MEGF6: variants seen among roughly 807,000 people sequenced by gnomAD.
MEGF6 encodes multiple epidermal growth factor-like domains protein 6.
A neutral mutation model predicts 207.1 loss-of-function variants in MEGF6; 184 were observed. The observed-to-expected ratio is 0.89, with a 90% CI of 0.79 to 1.00. The LOEUF is 1.00. MEGF6 is among the 50% of genes least tolerant of loss of function. The probability of loss-of-function intolerance (pLI) is 0.00; values close to 1 mark genes in which losing one functional copy is unlikely to be tolerated. For missense variants in MEGF6, 2,282 were observed against 2,202.9 expected, an observed-to-expected ratio of 1.04 and a Z score of -0.72; for synonymous variants, 1,038 against 910.0, an observed-to-expected ratio of 1.14 and a Z score of -2.53.
At chr1:3,517,036 C>A (rs1164576547) in intron 5 of MEGF6, among the ~76,000 whole-genome samples, 1 of 152,252 alleles carries the variant, frequency 6.6e-6, no homozygotes, top group Non-Finnish European at 1.5e-5. Flanking sequence ...GATGGCCCTG[C>A]TGAAGCCACT....
intron 4 of MEGF6, among the ~76,000 whole-genome samples, chr1:3,545,963 C>T (rs969134156): frequency 6.6e-6 from 1 of 152,136 alleles, no homozygotes; most frequent in Non-Finnish European, 1.5e-5. Context: ...CCAAACGGCT[C>T]GCAGCTGGAC....
intron 3 of MEGF6, among the ~76,000 whole-genome samples, chr1:3,588,682 G>A (rs894882197): frequency 6.6e-6 from 1 of 151,998 alleles, no homozygotes; most frequent in Non-Finnish European, 1.5e-5. Context: ...ACAGAGAAGG[G>A]CTCCAAGGTC....
intron 4 of MEGF6, chr1:3,531,325 G>A (rs1642160861): frequency 2.4e-6 from 3 of 1,231,696 alleles, no homozygotes; most frequent in African/African-American, 3.2e-5. Context: ...GACGGGGCAG[G>A]CGGCTCGGGC....
upstream of MEGF6, among the ~76,000 whole-genome samples, chr1:3,615,356 C>T (rs542426598): frequency 5.9e-5 from 9 of 152,180 alleles, no homozygotes; most frequent in Non-Finnish European, 7.3e-5. Context: ...TATTAGAACC[C>T]GCTGGTCCCA....
intron 3 of MEGF6, among the ~76,000 whole-genome samples, chr1:3,586,990 T>C (rs1425306689): frequency 6.6e-6 from 1 of 152,172 alleles, no homozygotes; most frequent in Non-Finnish European, 1.5e-5. Flanking sequence ...CAACCCCACC[T>C]GTGTGCAAGG....
rs756014626 is a variant in MEGF6 at position 3,500,961 on chromosome 1, C to T, written c.2575+5G>A. 92 of 1,611,202 alleles carry T rather than the reference C, an allele frequency of 5.7e-5. No homozygotes were observed. Among genetic ancestry groups the T allele is most frequent in the South Asian group, 2.5e-4 (23 of 90,976 alleles). On this transcript the variant is annotated splice_donor_5th_base_variant and intron_variant, in intron 20 of 36. Transcript: ENST00000356575. ...GGACAAAGGGCAAGCCAAGGGCCCC[C>T]GTACCTCTCTGGCAGCTAAAGCCGG...
At chr1:3,494,839 T>A (rs1258408306) in intron 30 of MEGF6, 98 bp from the exon 31 acceptor site, 2 of 1,439,018 alleles carry the variant, frequency 1.4e-6, no homozygotes, top group Non-Finnish European at 1.8e-6. Flanking sequence ...CGGTAAATGC[T>A]TCCTGAGGCC....
chr1:3,561,751 A>G (rs2101645459), intron 4 of MEGF6, among the ~76,000 whole-genome samples: 1 of 152,304 alleles, frequency 6.6e-6, no homozygotes, highest in African/African-American at 2.4e-5. Flanking sequence ...CACGGCAGGG[A>G]AGCCTGTCCT....
intron 3 of MEGF6, among the ~76,000 whole-genome samples, chr1:3,586,567 C>G (rs1378084325): frequency 6.6e-6 from 1 of 152,032 alleles, no homozygotes; most frequent in Non-Finnish European, 1.5e-5. Flanking sequence ...CCTGCCAGGC[C>G]ATTTGTGAAG....
At chr1:3,495,722 A>G (rs757122581) in intron 30 of MEGF6, among the ~76,000 whole-genome samples, 168 bp downstream of exon 30, 4 of 152,196 alleles carry the variant, frequency 2.6e-5, no homozygotes, top group Admixed American at 6.5e-5. Context: ...AGCGTAGTCA[A>G]CACAAGCTAC....
At chr1:3,571,806 T>TGC (rs1643503995) in intron 4 of MEGF6, among the ~76,000 whole-genome samples, 2 of 127,582 alleles carry the variant, frequency 1.6e-5, no homozygotes, top group African/African-American at 6.4e-5. Flanking sequence ...TGGGTCCTCC[T>TGC]GGGTGTGCTG....
intron 17 of MEGF6, among the ~76,000 whole-genome samples, chr1:3,503,153 C>G (rs1209877843): frequency 6.6e-6 from 1 of 152,092 alleles, no homozygotes; most frequent in Non-Finnish European, 1.5e-5. Flanking sequence ...GAGGACACAC[C>G]CTGGTGAACC....
In MEGF6 at chr1:3,514,610, G is replaced by C. The variant is rs777758031; in HGVS notation, c.793C>G (p.Leu265Val). Residue 265 changes from leucine (L) to valine (V), a missense_variant, in exon 7 of 37, where the codon CTC (leucine) becomes GTC (valine). By Grantham distance (32) the Leu-to-Val change is conservative. Transcript: ENST00000356575. ...CMHRCQVVRG[L>V]ARCECHVGYQ... is the part of the protein sequence containing the mutation. Reference sequence around the variant, plus strand: ...CCCACGTGGCACTCACAGCGGGCGAGGCCCCGGACCACCTGGCACCTGTGC... The same window carrying C: ...CCCACGTGGCACTCACAGCGGGCGACGCCCCGGACCACCTGGCACCTGTGC... 1 of 1,580,116 alleles carries C rather than the reference G, an allele frequency of 6.3e-7. No individual in the cohort carries two copies. Among genetic ancestry groups the C allele is most frequent in the South Asian group, 1.2e-5 (1 of 86,718 alleles).
At chr1:3,536,979 G>A (rs539130001) in intron 4 of MEGF6, among the ~76,000 whole-genome samples, 2 of 152,256 alleles carry the variant, frequency 1.3e-5, no homozygotes, top group East Asian at 1.9e-4. Flanking sequence ...TCAGGCGCCT[G>A]GACACGTGCC....
intron 25 of MEGF6, 26 bp from the exon 26 acceptor site, chr1:3,498,525 G>A (rs767985072): frequency 2.6e-6 from 4 of 1,545,120 alleles, no homozygotes; most frequent in Admixed American, 1.9e-5. Context: ...CAGGCACGAG[G>A]GTGAGGGTCC....
intron 1 of MEGF6, among the ~76,000 whole-genome samples, chr1:3,607,522 C>T (rs1644266853): frequency 2.0e-5 from 3 of 152,294 alleles, no homozygotes; most frequent in South Asian, 2.1e-4. Flanking sequence ...ACTGCACACA[C>T]GGCCACAGCA....
intron 4 of MEGF6, among the ~76,000 whole-genome samples, chr1:3,567,457 C>A (rs1432293510): frequency 6.6e-6 from 1 of 152,244 alleles, no homozygotes; most frequent in Non-Finnish European, 1.5e-5. Flanking sequence ...GACCTGCAGA[C>A]CCTGCGTGTT....
intron 2 of MEGF6, among the ~76,000 whole-genome samples, chr1:3,600,497 G>A (rs752124204): frequency 3.9e-5 from 6 of 152,322 alleles, no homozygotes; most frequent in African/African-American, 1.2e-4. Flanking sequence ...GAGGACAGGC[G>A]GGAGCTGGAG....
In MEGF6 at chr1:3,579,817, C is replaced by T. The variant is rs764981808; in HGVS notation, c.481+8G>A. Reference sequence around the variant, plus strand: ...CCAGGGCCTTGGTCCCCCAGGGGCTCCACTCACCATACTGACAGCGGGGTC... The same window carrying T: ...CCAGGGCCTTGGTCCCCCAGGGGCTTCACTCACCATACTGACAGCGGGGTC... On this transcript the variant is annotated splice_region_variant and intron_variant, in intron 4 of 36. Transcript: ENST00000356575. 5 of 1,491,012 alleles carry T rather than the reference C, an allele frequency of 3.4e-6. No homozygotes were observed. The highest frequency in any genetic ancestry group is 2.1e-4 in the Middle Eastern group (1 of 4,756). 92.4% of individuals were successfully genotyped at this position (1,491,012 alleles called of 1,614,324 possible).
Sources: allele counts gnomAD v4.1 joint callset (sites outside exome capture counted in the v4.1 genomes callset), GRCh38; gene constraint gnomAD v4.1.1; transcripts MANE v1.5; gene names NCBI Gene and HGNC (gene_info 2026-07-23, HGNC 2026-07-21).